IL16: variants seen among roughly 807,000 people sequenced by gnomAD.
The protein encoded by IL16 is pro-interleukin-16.
In IL16, 67 loss-of-function variants were observed where a neutral mutation model predicts 110.1. The observed-to-expected ratio is 0.61, with a 90% confidence interval of 0.50 to 0.75. The LOEUF is 0.75. Among genes scored for constraint, IL16 ranks in the 30% least tolerant of loss-of-function variants. IL16 has a pLI of 0.00. For missense variants in IL16, 1,545 were observed against 1,655.0 expected, an observed-to-expected ratio of 0.93 and a Z score of 1.15; for synonymous variants, 689 against 662.9, an observed-to-expected ratio of 1.04 and a Z score of -0.61.
chr15:81,195,828 G>T (rs148217713), upstream of IL16, among the ~76,000 whole-genome samples: 1 of 152,158 alleles, frequency 6.6e-6, no homozygotes, highest in Non-Finnish European at 1.5e-5. Context: ...TGCTCTTTGC[G>T]GGGCAGATGG....
Position 81,247,070 on chromosome 15 carries a change from C to CTCTTTTTTTTTTTTTTT in IL16, c.313-12701_313-12700insCTTTTTTTTTTTTTTTT, listed in dbSNP as rs1567016849. On this transcript the variant is annotated intron_variant, in intron 2 of 18. Coordinates refer to ENST00000683961, the MANE Select transcript of IL16 (RefSeq NM_172217.5). ...ATTTTATTTGTGTTTTCTTTCTTTT[C>CTCTTTTTTTTTTTTTTT]TTTTCCTTTTTTTTTTTTTTTTTTT... Among the ~76,000 whole-genome samples, 3 of 107,608 alleles carry CTCTTTTTTTTTTTTTTT rather than the reference C, an allele frequency of 2.8e-5. 1 individual carries two copies. Among genetic ancestry groups the CTCTTTTTTTTTTTTTTT allele is most frequent in the African/African-American group, 1.0e-4 (3 of 28,620 alleles). 70.6% of individuals were successfully genotyped at this position (107,608 alleles called of 152,430 possible). A position where few individuals can be genotyped will look rare whatever the true frequency, so the allele number is the denominator to read the frequency against.
At chr15:81,298,330 G>T (rs147204482) in intron 13 of IL16, among the ~76,000 whole-genome samples, 1 of 152,184 alleles carries the variant, frequency 6.6e-6, no homozygotes, top group Non-Finnish European at 1.5e-5. Flanking sequence ...ACTGGGTTGC[G>T]TTCCAGTAGC....
At chr15:81,224,541 G>A (rs554408813) in intron 1 of IL16, among the ~76,000 whole-genome samples, 180 of 152,364 alleles carry the variant, frequency 1.2e-3, no homozygotes, top group South Asian at 2.5e-3. Flanking sequence ...GGGCCTGACT[G>A]TGACTCTGGC....
rs755493821 is a variant in IL16, at chr15:81,292,818, G to T, written c.1683G>T (p.Arg561Ser). The part of the protein sequence containing the change: ...EPVVLSIASS[R>S]LPQESPPLPE... ...TGGTGCTTTCTATAGCATCCTCCAG[G>T]CTGCCCCAGGAGAGCCCACCCCTCC... The change falls in exon 12 of 19, where the codon AGG (arginine) becomes AGT (serine). Residue 561 changes from arginine (R) to serine (S), a missense_variant. Physicochemically the swap from Arg to Ser is moderately radical, Grantham distance 110. Coordinates refer to ENST00000683961, the MANE Select transcript of IL16 (RefSeq NM_172217.5). 1 of 1,614,078 alleles carries T rather than the reference G, an allele frequency of 6.2e-7. No homozygotes were observed. The highest frequency in any genetic ancestry group is 8.5e-7 in the Non-Finnish European group (1 of 1,180,026).
intron 2 of IL16, among the ~76,000 whole-genome samples, chr15:81,249,483 G>A (rs1452686694): frequency 2.0e-5 from 3 of 151,818 alleles, no homozygotes; most frequent in Admixed American, 2.0e-4. Flanking sequence ...ACAATTCTAT[G>A]TTGATGATTA....
intron 7 of IL16, among the ~76,000 whole-genome samples, chr15:81,279,316 C>CATCT (rs1011953353): frequency 4.6e-5 from 7 of 152,146 alleles, no homozygotes; most frequent in African/African-American, 1.4e-4. Context: ...TCTATTCATC[C>CATCT]ATCTATCTAT....
chr15:81,210,175 T>C (rs1167520705), intron 1 of IL16, among the ~76,000 whole-genome samples: 1 of 152,202 alleles, frequency 6.6e-6, no homozygotes, highest in Non-Finnish European at 1.5e-5. Flanking sequence ...CAGATGGTTG[T>C]AGGGGTGCAG....
intron 1 of IL16, among the ~76,000 whole-genome samples, chr15:81,201,673 T>C (rs1210330736): frequency 6.6e-6 from 1 of 152,228 alleles, no homozygotes; most frequent in Non-Finnish European, 1.5e-5. Flanking sequence ...TATTGCCACT[T>C]TGTATTTTAA....
upstream of IL16, among the ~76,000 whole-genome samples, chr15:81,193,462 A>G (rs1895530002): frequency 6.6e-6 from 1 of 152,080 alleles, no homozygotes. Context: ...TGTGCGTGGT[A>G]TATTTGCTTG....
chr15:81,294,338 C>T (rs1189984084), intron 12 of IL16, among the ~76,000 whole-genome samples: 1 of 152,224 alleles, frequency 6.6e-6, no homozygotes, highest in East Asian at 1.9e-4. Flanking sequence ...GGCCTGAGAC[C>T]TATGAGTCCA....
intron 18 of IL16, among the ~76,000 whole-genome samples, chr15:81,307,679 C>T (rs7166271): frequency 0.12 from 18,696 of 152,172 alleles, 1,533 homozygotes; most frequent in African/African-American, 0.22. Context: ...ACCATGGGCC[C>T]ATTTGCTTAA....
At chr15:81,247,946 T>G (rs943860274) in intron 2 of IL16, among the ~76,000 whole-genome samples, 6 of 152,218 alleles carry the variant, frequency 3.9e-5, no homozygotes, top group African/African-American at 1.4e-4. Flanking sequence ...TTTCATATTT[T>G]GTTTATGTTT....
upstream of IL16, among the ~76,000 whole-genome samples, chr15:81,194,321 T>G (rs1895545839): frequency 6.6e-6 from 1 of 152,178 alleles, no homozygotes; most frequent in African/African-American, 2.4e-5. Flanking sequence ...GTTGTGTCAT[T>G]TTAAGGACAC....
chr15:81,290,127 C>A (rs1035443121), intron 10 of IL16: 2 of 386,186 alleles, frequency 5.2e-6, no homozygotes, highest in Non-Finnish European at 9.5e-6. Context: ...ACAGCATTGC[C>A]AAGAACGGAC....
At chr15:81,230,931 G>A (rs1379456697) in intron 2 of IL16, among the ~76,000 whole-genome samples, 5 of 152,026 alleles carry the variant, frequency 3.3e-5, no homozygotes, top group South Asian at 2.1e-4. Flanking sequence ...AGGTGAAGAC[G>A]GAGGTGAAAA....
intron 2 of IL16, among the ~76,000 whole-genome samples, chr15:81,240,879 A>G (rs550822006): frequency 4.7e-4 from 72 of 152,262 alleles, no homozygotes; most frequent in African/African-American, 1.6e-3. Context: ...TCCTAAAGTA[A>G]TAAACATTAT....
At chr15:81,283,164 A>G (rs1405329690) in intron 9 of IL16, among the ~76,000 whole-genome samples, 1 of 152,262 alleles carries the variant, frequency 6.6e-6, no homozygotes, top group East Asian at 1.9e-4. Flanking sequence ...CGGCCTAAAT[A>G]CCACATCCCG....
At chr15:81,275,588 T>C (rs142894139) in intron 6 of IL16, among the ~76,000 whole-genome samples, 64 of 152,150 alleles carry the variant, frequency 4.2e-4, no homozygotes, top group Non-Finnish European at 8.5e-4. Flanking sequence ...AAAGAGAATA[T>C]TGTGTTTTGT....
intron 10 of IL16, among the ~76,000 whole-genome samples, chr15:81,289,455 T>C (rs1298658551): frequency 6.6e-6 from 1 of 152,196 alleles, no homozygotes; most frequent in Non-Finnish European, 1.5e-5. Context: ...TTGTTTATAG[T>C]AGCCATCCTA....
Sources: allele counts gnomAD v4.1 joint callset (sites outside exome capture counted in the v4.1 genomes callset), GRCh38; gene constraint gnomAD v4.1.1; transcripts MANE v1.5; gene names NCBI Gene and HGNC (gene_info 2026-07-23, HGNC 2026-07-21).